The following MAPKAP1 variants were observed in gnomAD, a reference collection of about 807,000 sequenced individuals.
MAPKAP1 encodes the protein target of rapamycin complex 2 subunit MAPKAP1.
A neutral mutation model predicts 65.7 loss-of-function variants in MAPKAP1; 20 were observed. The observed-to-expected ratio is 0.30, with a 90% CI of 0.21 to 0.44. MAPKAP1 has a LOEUF of 0.44. MAPKAP1 is among the 20% of genes least tolerant of loss of function. MAPKAP1 has a pLI of 1.00. For synonymous variants in MAPKAP1, 222 were observed against 244.3 expected (o/e 0.91, Z 0.85); for missense variants, 423 against 648.0 (o/e 0.65, Z 3.77).
chr9:125,703,040 A>C (rs1835650425), intron 1 of MAPKAP1, among the ~76,000 whole-genome samples: 1 of 152,150 alleles, frequency 6.6e-6, no homozygotes, highest in Admixed American at 6.5e-5. Flanking sequence ...TAAATAAATA[A>C]GAATAAATTA....
At chr9:125,672,860 G>C (rs893747244) in intron 1 of MAPKAP1, among the ~76,000 whole-genome samples, 1 of 152,208 alleles carries the variant, frequency 6.6e-6, no homozygotes, top group East Asian at 1.9e-4. Context: ...GAATCAGAAA[G>C]GAAGGCTTGC....
At chr9:125,529,189 AAAAAAAAG>A (rs1321135531) in intron 7 of MAPKAP1, among the ~76,000 whole-genome samples, 3 of 151,332 alleles carry the variant, frequency 2.0e-5, no homozygotes, top group Non-Finnish European at 4.4e-5. Flanking sequence ...AAAAAAAAAA[AAAAAAAAG>A]AAAGAAAGAA....
At chr9:125,456,432 T>C (rs1853164755) in intron 10 of MAPKAP1, among the ~76,000 whole-genome samples, 1 of 152,234 alleles carries the variant, frequency 6.6e-6, no homozygotes, top group Admixed American at 6.5e-5. Flanking sequence ...TGTCATAGAG[T>C]TCACTGATTG....
At chr9:125,544,625 C>T (rs1445392633) in intron 6 of MAPKAP1, among the ~76,000 whole-genome samples, 2 of 152,174 alleles carry the variant, frequency 1.3e-5, no homozygotes, top group East Asian at 3.8e-4. Context: ...CAGACCAATT[C>T]CAAGTAGCTC....
chr9:125,666,926 C>G (rs373981836), intron 3 of MAPKAP1, among the ~76,000 whole-genome samples: 9 of 152,284 alleles, frequency 5.9e-5, no homozygotes, highest in African/African-American at 2.2e-4. Flanking sequence ...GAATGACTAC[C>G]AGGCAGGCTG....
At chr9:125,495,428 A>G (rs555045942) in intron 8 of MAPKAP1, among the ~76,000 whole-genome samples, 68 of 152,292 alleles carry the variant, frequency 4.5e-4, no homozygotes, top group Admixed American at 1.2e-3. Flanking sequence ...TGGCTCATCA[A>G]ACATGCTTCC....
At chr9:125,468,337 G>A (rs1853762031) in intron 9 of MAPKAP1, among the ~76,000 whole-genome samples, 1 of 152,130 alleles carries the variant, frequency 6.6e-6, no homozygotes, top group African/African-American at 2.4e-5. Context: ...TGAGGGTGGG[G>A]GAACCCCCCC....
Position 125,517,646 on chromosome 9 carries a change from C to T in MAPKAP1, c.959-11229G>A, listed in dbSNP as rs1325181430. Among the ~76,000 whole-genome samples the T allele has an allele frequency of 2.6e-5, 4 of 152,274 alleles. No homozygotes were observed. The South Asian group carries it at 6.2e-4, about 24-fold the overall frequency. On this transcript the variant is annotated intron_variant, in intron 7 of 11. Transcript: ENST00000265960. Reference sequence around the variant, plus strand: ...GTGCCAAGAGGAGGAAAGGAAAGGGCGTACCGCTGAATTTCCTTCTTTGTG... The same window carrying T: ...GTGCCAAGAGGAGGAAAGGAAAGGGTGTACCGCTGAATTTCCTTCTTTGTG...
At chr9:125,704,133 G>T (rs1344317059) in intron 1 of MAPKAP1, among the ~76,000 whole-genome samples, 1 of 152,142 alleles carries the variant, frequency 6.6e-6, no homozygotes, top group Non-Finnish European at 1.5e-5. Context: ...TTTCCAGAGG[G>T]TCCGCATCCA....
chr9:125,629,091 A>ACACACACACACACACACC (rs1564591583), intron 4 of MAPKAP1, among the ~76,000 whole-genome samples: 4 of 143,708 alleles, frequency 2.8e-5, no homozygotes, highest in African/African-American at 1.0e-4. Context: ...ACACACACAC[A>ACACACACACACACACACC]CCAGAAAATA....
chr9:125,700,755 G>A (rs1835571004), intron 1 of MAPKAP1, among the ~76,000 whole-genome samples: 2 of 152,106 alleles, frequency 1.3e-5, no homozygotes, highest in South Asian at 4.1e-4. Context: ...ATACAATAGA[G>A]TATGAATGAA....
At chr9:125,441,018 T>C (rs1344915941) in intron 11 of MAPKAP1, among the ~76,000 whole-genome samples, 1 of 152,202 alleles carries the variant, frequency 6.6e-6, no homozygotes, top group Non-Finnish European at 1.5e-5. Flanking sequence ...TAATGGAAGA[T>C]TAATGTAATA....
chr9:125,639,037 G>A (rs147887740), intron 4 of MAPKAP1, among the ~76,000 whole-genome samples: 6 of 152,232 alleles, frequency 3.9e-5, no homozygotes, highest in Admixed American at 2.0e-4. Flanking sequence ...CCAGGAGTTC[G>A]AGACCAGCCT....
intron 6 of MAPKAP1, among the ~76,000 whole-genome samples, chr9:125,553,842 G>C (rs929293652): frequency 6.6e-6 from 1 of 152,132 alleles, no homozygotes; most frequent in Non-Finnish European, 1.5e-5. Context: ...TTTGAGACCA[G>C]CCTGGGCAAC....
chr9:125,698,490 T>C (rs567083267), intron 1 of MAPKAP1, among the ~76,000 whole-genome samples: 123 of 150,590 alleles, frequency 8.2e-4, no homozygotes, highest in Non-Finnish European at 1.6e-3. Flanking sequence ...GGCGTGTGTG[T>C]GCCACCACGC....
At chr9:125,474,489 T>C (rs1175129911) in intron 9 of MAPKAP1, among the ~76,000 whole-genome samples, 1 of 152,212 alleles carries the variant, frequency 6.6e-6, no homozygotes, top group Admixed American at 6.5e-5. Flanking sequence ...GCTCCCTTGG[T>C]GAGCCTGATC....
intron 8 of MAPKAP1, among the ~76,000 whole-genome samples, chr9:125,504,044 G>A (rs1191572077): frequency 1.3e-5 from 2 of 151,832 alleles, no homozygotes; most frequent in Non-Finnish European, 2.9e-5. Flanking sequence ...GCCTCCTTAA[G>A]ATAATTTCCA....
intron 9 of MAPKAP1, among the ~76,000 whole-genome samples, chr9:125,475,812 A>T (rs993097516): frequency 1.2e-4 from 19 of 152,212 alleles, no homozygotes; most frequent in African/African-American, 4.6e-4. Flanking sequence ...GCTAGGAAGC[A>T]GCAGGCCCTA....
chr9:125,639,420 T>C (rs1211594605), intron 4 of MAPKAP1, among the ~76,000 whole-genome samples: 4 of 152,226 alleles, frequency 2.6e-5, no homozygotes, highest in African/African-American at 4.8e-5. Context: ...CAAGGCTGTT[T>C]TGAGAATTAA....
Sources: allele counts gnomAD v4.1 joint callset (sites outside exome capture counted in the v4.1 genomes callset), GRCh38; gene constraint gnomAD v4.1.1; transcripts MANE v1.5; gene names NCBI Gene and HGNC (gene_info 2026-07-23, HGNC 2026-07-21).